Variants in PTPRH observed in about 807,000 individuals in gnomAD.
PTPRH encodes the protein receptor-type tyrosine-protein phosphatase H.
In PTPRH, 113 loss-of-function variants were observed where a neutral mutation model predicts 130.2. The observed-to-expected ratio is 0.87, with a 90% CI of 0.75 to 1.01. The LOEUF (loss-of-function observed/expected upper bound fraction) is 1.01. PTPRH is among the 50% of genes least tolerant of loss of function. The pLI is 0.00. For synonymous variants in PTPRH, 556 were observed against 577.9 expected (o/e 0.96, Z 0.54); for missense variants, 1,430 against 1,425.0 (o/e 1.00, Z -0.06).
At chr19:55,198,525 C>G in intron 8 of PTPRH, 118 bp downstream of exon 8, 1 of 1,134,216 alleles carries the variant, frequency 8.8e-7, no homozygotes, top group Non-Finnish European at 1.2e-6. Flanking sequence ...AAGCTCCGGC[C>G]GGTGAGGCTG....
At chr19:55,187,663 T>A in intron 13 of PTPRH, 60 bp from the exon 14 acceptor site, 1 of 1,305,356 alleles carries the variant, frequency 7.7e-7, no homozygotes, top group Non-Finnish European at 1.1e-6. Context: ...CCCTCGGGGG[T>A]ACCCCCGAGC....
chr19:55,200,914 G>A (rs1194004601), intron 6 of PTPRH, among the ~76,000 whole-genome samples: 1 of 151,580 alleles, frequency 6.6e-6, no homozygotes, highest in Non-Finnish European at 1.5e-5. Flanking sequence ...CTGCACTCCA[G>A]CCTGGGCGAC....
Position 55,205,551 on chromosome 19 carries a change from T to C in PTPRH, c.394A>G (p.Asn132Asp), listed in dbSNP as rs1224703835. 3.1e-6 allele frequency: 5 copies of C among 1,614,244 alleles called. No homozygotes were observed. In the Admixed American group the frequency reaches 6.7e-5, roughly 22 times the overall value. Residue 132 changes from asparagine to aspartate, a missense_variant, in exon 4 of 20, where the codon AAC becomes GAC. By Grantham distance (23) the Asn-to-Asp change is conservative (BLOSUM62 1). Coordinates refer to ENST00000376350, the MANE Select transcript of PTPRH (RefSeq NM_002842.5). Reference sequence around the variant, plus strand: ...TCCCAGGTCAGGGCGATGGAGCTGTTGGTCTGAGCCTCCACTCTCAGGTTC... The same window carrying C: ...TCCCAGGTCAGGGCGATGGAGCTGTCGGTCTGAGCCTCCACTCTCAGGTTC... The part of the protein sequence containing the change: ...VRNLRVEAQT[N>D]SSIALTWEVP...
chr19:55,207,362 C>T, intron 1 of PTPRH, 163 bp from the exon 2 acceptor site: 2 of 720,464 alleles, frequency 2.8e-6, no homozygotes, highest in Non-Finnish European at 4.6e-6. Context: ...GACCGTCTTT[C>T]CTGGGTCGAG....
intron 10 of PTPRH, among the ~76,000 whole-genome samples, chr19:55,196,268 G>A (rs1360444832): frequency 1.3e-5 from 2 of 151,996 alleles, no homozygotes; most frequent in African/African-American, 2.4e-5. Flanking sequence ...CGTGCCTGTA[G>A]TCCCAGCTAC....
intron 19 of PTPRH, 26 bp from the exon 20 acceptor site, chr19:55,181,929 G>A: frequency 6.2e-7 from 1 of 1,614,154 alleles, no homozygotes; most frequent in South Asian, 1.1e-5. Flanking sequence ...GGGAGTGAGA[G>A]GCGTCCCCCC....
rs1233371007 is a variant in PTPRH, at chr19:55,209,151, C to G, written c.51+232G>C. On this transcript the variant is annotated intron_variant, in intron 1 of 19. Coordinates refer to ENST00000376350, the MANE Select transcript of PTPRH (RefSeq NM_002842.5). The surrounding 1 kb of genome is among the most constrained non-coding windows in gnomAD (Gnocchi z 4.1). ...CTGGTGTCCCCCACAACAGACACGA[C>G]AATGTCTAAGGGCCCGGGTGAAGCT... is the stretch of plus-strand genomic sequence containing the variant. Among the ~76,000 whole-genome samples the G allele has an allele frequency of 6.6e-6, 1 of 151,904 alleles. No individual in the cohort carries two copies. Among genetic ancestry groups the G allele is most frequent in the Non-Finnish European group, 1.5e-5 (1 of 67,950 alleles).
intron 3 of PTPRH, 71 bp downstream of exon 3, chr19:55,206,618 G>A: frequency 7.2e-7 from 1 of 1,398,436 alleles, no homozygotes. Context: ...GTCGCATTTT[G>A]TCAGCTCTCA....
At position 55,203,911 on chromosome 19, in the gene PTPRH, C is replaced by A. The variant is rs758975045; in HGVS notation, c.757G>T (p.Glu253Ter). 1 of 1,614,214 alleles carries A rather than the reference C, an allele frequency of 6.2e-7. No homozygotes were observed. Among genetic ancestry groups the A allele is most frequent in the South Asian group, 1.1e-5 (1 of 91,086 alleles). Reference protein sequence around the residue: ...VQCTGDGGRTETRNTTDTRVT... With the variant: ...VQCTGDGGRT ...CTGGTGTCTGTTGTGTTTCGAGTCT[C>A]TGTTCTGCCACCATCTCCAGTGCAC... is the stretch of plus-strand genomic sequence containing the variant. The change falls in exon 5 of 20, where the codon GAG becomes TAG. Residue 253 changes from glutamate to a stop codon, truncating the protein, a stop_gained. Coordinates refer to ENST00000376350, the MANE Select transcript of PTPRH (RefSeq NM_002842.5). LOFTEE classifies it high-confidence loss of function.
In PTPRH at chr19:55,198,910, G is replaced by A. The variant is rs138620016; in HGVS notation, c.1423C>T (p.Pro475Ser). Residue 475 changes from proline to serine, a missense_variant and splice_region_variant, in exon 8 of 20, where the codon CCC becomes TCC. Transcript: ENST00000376350. ...SRQNVSISTVPNAVTSLSKQD... is the reference protein window; with the variant it reads ...SRQNVSISTVSNAVTSLSKQD... ...TTGCTGAGGCTTGTCACTGCGTTGG[G>A]GACTGGGAGAGGGAGCAGAGTCAGG... 203 of 1,509,684 alleles carry A rather than the reference G, an allele frequency of 1.3e-4. No individual in the cohort carries two copies. Among genetic ancestry groups the A allele is most frequent in the Non-Finnish European group, 1.7e-4 (193 of 1,126,110 alleles). 93.5% of individuals were successfully genotyped at this position (1,509,684 alleles called of 1,614,324 possible).
At chr19:55,184,711 C>T (rs1444085012) in intron 18 of PTPRH, among the ~76,000 whole-genome samples, 2 of 151,722 alleles carry the variant, frequency 1.3e-5, no homozygotes, top group Non-Finnish European at 2.9e-5. Flanking sequence ...TGCTTGAACT[C>T]GGGAGGCAGA....
Position 55,191,677 on chromosome 19 carries a change from G to A in PTPRH, c.2322C>T (p.Phe774=), listed in dbSNP as rs1037665840. The A allele has an allele frequency of 6.2e-7, 1 of 1,614,102 alleles. No individual in the cohort carries two copies. Among genetic ancestry groups the A allele is most frequent in the African/African-American group, 1.3e-5 (1 of 75,038 alleles). Reference sequence around the variant, plus strand: ...CTGAGTCTCACCTCCTCTTCAGGAAGAAAATCAGCAGGCCCACGAGGATGA... The same window carrying A: ...CTGAGTCTCACCTCCTCTTCAGGAAAAAAATCAGCAGGCCCACGAGGATGA... The part of the protein sequence containing the change: ...LFLILVGLLI[F]FLKRRNKKKQ... Residue 774 remains phenylalanine (F), a synonymous_variant, in exon 11 of 20, where the codon TTC becomes TTT. Coordinates refer to ENST00000376350, the MANE Select transcript of PTPRH (RefSeq NM_002842.5).
In PTPRH at chr19:55,200,434, C is replaced by G; in HGVS notation, c.1222G>C (p.Val408Leu). 1.2e-6 allele frequency: 2 copies of G among 1,614,156 alleles called. No homozygotes were observed. Among genetic ancestry groups the G allele is most frequent in the Non-Finnish European group, 1.7e-6 (2 of 1,180,020 alleles). ...TCCTGAGGGTATGGGCCATCGGGGA[C>G]TTCCCAGCATAGGGCGATGGAGCTG... ...TNSSIALCWE[V>L]PDGPYPQDYT... Residue 408 changes from valine to leucine, a missense_variant, in exon 7 of 20, where the codon GTC (valine) becomes CTC (leucine). Coordinates refer to ENST00000376350, the MANE Select transcript of PTPRH (RefSeq NM_002842.5).
chr19:55,191,597 C>A, intron 11 of PTPRH, 49 bp from the exon 12 acceptor site: 16 of 1,612,488 alleles, frequency 9.9e-6, no homozygotes, highest in Non-Finnish European at 1.4e-5. Context: ...AGGCTGCAAC[C>A]AGCGGTCCTC....
intron 1 of PTPRH, among the ~76,000 whole-genome samples, chr19:55,207,623 G>A (rs1176178613): frequency 2.1e-5 from 3 of 142,726 alleles, no homozygotes; most frequent in Non-Finnish European, 4.6e-5. Context: ...TGGGGGTCTC[G>A]ACCTCTGGTT....
At chr19:55,200,664 C>T (rs1177124487) in intron 6 of PTPRH, among the ~76,000 whole-genome samples, 162 bp from the exon 7 acceptor site, 7 of 152,142 alleles carry the variant, frequency 4.6e-5, no homozygotes, top group Non-Finnish European at 1.0e-4. Context: ...ACTAATGTGC[C>T]GGGCGTGGTG....
chr19:55,182,650 A>G (rs1043386748), intron 18 of PTPRH, among the ~76,000 whole-genome samples: 5 of 151,340 alleles, frequency 3.3e-5, no homozygotes, highest in African/African-American at 9.8e-5. Context: ...TACTAGCTCC[A>G]TTGTACAAAT....
In PTPRH at chr19:55,181,249, T is replaced by C. The variant is rs1322664460; in HGVS notation, c.*505A>G. 1.3e-5 allele frequency: 2 copies of C among 155,920 alleles called. No homozygotes were observed. Among genetic ancestry groups the C allele is most frequent in the African/African-American group, 2.4e-5 (1 of 41,482 alleles). 9.7% of individuals were successfully genotyped at this position (155,920 alleles called of 1,614,324 possible). On this transcript the variant is annotated 3_prime_UTR_variant, in exon 20 of 20. Coordinates refer to ENST00000376350, the MANE Select transcript of PTPRH (RefSeq NM_002842.5). ...CAGAAATCCATGGGACAACTGTCTC[T>C]GGGGAGAACAGTGATTTAATAAATT...
At chr19:55,188,236 G>T (rs2086423275) in intron 12 of PTPRH, 68 bp from the exon 13 acceptor site, 2 of 1,279,424 alleles carry the variant, frequency 1.6e-6, no homozygotes, top group African/African-American at 2.9e-5. Flanking sequence ...TTGAGGGCTG[G>T]GCATGGTGGC....
Sources: gnomAD v4.1 joint callset for allele counts (sites outside exome capture counted in the v4.1 genomes callset) on GRCh38, gnomAD v4.1.1 for gene constraint, Gnocchi (gnomAD v3.1) non-coding constraint, MANE v1.5 for transcripts, NCBI Gene and HGNC (gene_info 2026-07-23, HGNC 2026-07-21) for gene names.